Variants in SPG11 observed in about 807,000 individuals in gnomAD.
The protein encoded by SPG11 is SPG11 vesicle trafficking associated, spatacsin.
SPG11 carries 222 observed loss-of-function variants against 274.0 expected under a neutral mutation model. The ratio of observed to expected loss-of-function variants is 0.81; its 90% CI spans 0.73 to 0.91. The LOEUF (loss-of-function observed/expected upper bound fraction) is 0.91, where lower values mean the gene tolerates loss of function less well. SPG11 is among the 40% of genes least tolerant of loss of function. The pLI, the probability that SPG11 is intolerant of heterozygous loss-of-function variation, is 0.00. For synonymous variants in SPG11, 1,144 were observed against 1,039.7 expected (o/e 1.10, Z -1.93); for missense variants, 3,114 against 2,872.7 (o/e 1.08, Z -1.92).
chr15:44,585,981 C>CTTTT, intron 28 of SPG11, 131 bp from the exon 29 acceptor site: 2 of 528,134 alleles, frequency 3.8e-6, no homozygotes, highest in Non-Finnish European at 3.1e-6. Context: ...AAATAAAAAG[C>CTTTT]TGTTTTTTTT....
intron 6 of SPG11, among the ~76,000 whole-genome samples, chr15:44,650,331 C>T (rs2141102605): frequency 6.6e-6 from 1 of 152,158 alleles, no homozygotes. Flanking sequence ...CCAGCCTGGG[C>T]AAGGTAGTGA....
intron 8 of SPG11, 146 bp downstream of exon 8, chr15:44,633,359 A>AAAAAAG (rs1567177921): frequency 1.4e-5 from 5 of 356,518 alleles, no homozygotes; most frequent in Non-Finnish European, 1.9e-5. Context: ...AAAAAAAAAA[A>AAAAAAG]AAAGAAAGTT....
In SPG11 at chr15:44,657,070, T is replaced by G. The variant is rs1448269424; in HGVS notation, c.869+25A>C. On this transcript the variant is annotated intron_variant, in intron 4 of 39. Transcript: ENST00000261866. Reference sequence around the variant, plus strand: ...TATCAGTCTAACTATTTACCTCAAATTAGAAACTGCAGTCATCTACATACC... The same window carrying G: ...TATCAGTCTAACTATTTACCTCAAAGTAGAAACTGCAGTCATCTACATACC... 1.9e-6 allele frequency: 3 copies of G among 1,605,874 alleles called. No homozygotes were observed. The Admixed American group carries it at 5.0e-5, about 27-fold the overall frequency.
At chr15:44,588,652 CA>C in intron 28 of SPG11, 2 of 437,204 alleles carry the variant, frequency 4.6e-6, no homozygotes, top group South Asian at 1.6e-5. Context: ...TAGTTGATAG[CA>C]AAAAAGCAAA....
intron 7 of SPG11, among the ~76,000 whole-genome samples, chr15:44,646,686 T>C (rs2084620476): frequency 6.6e-6 from 1 of 152,176 alleles, no homozygotes; most frequent in African/African-American, 2.4e-5. Flanking sequence ...GCAACACGGA[T>C]GGAGCTAGAG....
rs80338869 is a variant in SPG11 at position 44,564,675 on chromosome 15, G to A, written c.7023C>T (p.Tyr2341=). The A allele has an allele frequency of 0.026, 41,603 of 1,613,970 alleles. 655 individuals are homozygous for A. The highest frequency in any genetic ancestry group is 0.046 in the Middle Eastern group (278 of 6,062). Residue 2341 remains tyrosine, a synonymous_variant, in exon 39 of 40, where the codon TAC becomes TAT. Transcript: ENST00000261866. The part of the protein sequence containing the change: ...FYQASIVAEA[Y]DFVPDWAEIL... The stretch of plus-strand genomic sequence containing the variant: ...TTTCAGCCCAATCTGGAACAAAATC[G>A]TAGGCCTCAGCCACAATAGAAGCCT...
At chr15:44,657,017 A>T in intron 4 of SPG11, 78 bp downstream of exon 4, 2 of 1,310,784 alleles carry the variant, frequency 1.5e-6, no homozygotes, top group Non-Finnish European at 2.1e-6. Flanking sequence ...TTAAAAAAAA[A>T]AAACTAACGA....
Position 44,585,624 on chromosome 15 carries a change from G to C in SPG11, c.5121+12C>G, listed in dbSNP as rs199766848. On this transcript the variant is annotated intron_variant, in intron 29 of 39. Transcript: ENST00000261866. ...ATCTAAAAAAAAAAAAAAAAAAAAA[G>C]ACCGATGATACCTCTTTAATAACCA... 1.1e-4 allele frequency: 117 copies of C among 1,046,490 alleles called. No individual in the cohort carries two copies. Among genetic ancestry groups the C allele is most frequent in the Admixed American group, 4.2e-4 (18 of 43,096 alleles). The allele number at this position is 1,046,490 out of a possible 1,614,324, so 64.8% of individuals were successfully genotyped here. A position where few individuals can be genotyped will look rare whatever the true frequency, so the allele number is the denominator to read the frequency against.
At chr15:44,633,801 T>C (rs540024483) in intron 7 of SPG11, among the ~76,000 whole-genome samples, 164 bp from the exon 8 acceptor site, 1 of 152,164 alleles carries the variant, frequency 6.6e-6, no homozygotes, top group East Asian at 1.9e-4. Flanking sequence ...CAATGACTGA[T>C]TATGCAATCT....
Position 44,570,605 on chromosome 15 carries a change from C to A in SPG11, c.6397G>T (p.Glu2133Ter). ...HHCFTLTCHM[E>*]GIIRVLQAAH... is the part of the protein sequence containing the mutation. ...GCCTGTAGGACTCGGATGATGCCCT[C>A]CATGTGGCACGTCAGGGTGAAGCAA... The change falls in exon 34 of 40, where the codon GAG becomes TAG. Residue 2133 changes from glutamate (E) to a stop codon, truncating the protein, a stop_gained. Coordinates refer to ENST00000261866, the MANE Select transcript of SPG11 (RefSeq NM_025137.4). LOFTEE classifies it high-confidence loss of function. 6.2e-7 allele frequency: 1 copy of A among 1,614,088 alleles called. No homozygotes were observed. Among genetic ancestry groups the A allele is most frequent in the Non-Finnish European group, 8.5e-7 (1 of 1,180,004 alleles).
chr15:44,640,771 G>A lies in SPG11; in HGVS notation c.1603-7134C>T, dbSNP rs116565430. On this transcript the variant is annotated intron_variant, in intron 7 of 39. Coordinates refer to ENST00000261866, the MANE Select transcript of SPG11 (RefSeq NM_025137.4). ...TTTTGAGGCGGAGTCTCATTCTGTCGTCAGGCTGAAGTGCAGTGTCCTGAT... is the reference window on the plus strand; with the variant it reads ...TTTTGAGGCGGAGTCTCATTCTGTCATCAGGCTGAAGTGCAGTGTCCTGAT... 6.4e-3 allele frequency among the ~76,000 whole-genome samples: 971 copies of A among 152,100 alleles called. 10 individuals are homozygous for A. Among genetic ancestry groups the A allele is most frequent in the African/African-American group, 0.021 (890 of 41,496 alleles).
intron 8 of SPG11, among the ~76,000 whole-genome samples, chr15:44,631,313 ATAT>A (rs2084053952): frequency 6.6e-6 from 1 of 152,204 alleles, no homozygotes; most frequent in Non-Finnish European, 1.5e-5. Flanking sequence ...TAGTAAGTAT[ATAT>A]TATTAACAAG....
At chr15:44,629,040 T>A (rs529700475) in intron 9 of SPG11, among the ~76,000 whole-genome samples, 193 bp downstream of exon 9, 2 of 152,236 alleles carry the variant, frequency 1.3e-5, no homozygotes, top group African/African-American at 4.8e-5. Flanking sequence ...TTGTCCTTCA[T>A]GATTAGTCCT....
intron 2 of SPG11, among the ~76,000 whole-genome samples, 156 bp from the exon 3 acceptor site, chr15:44,659,459 A>G (rs1214071013): frequency 6.6e-6 from 1 of 152,234 alleles, no homozygotes; most frequent in East Asian, 1.9e-4. Context: ...CTAAGGAAGT[A>G]GTCACTGGGA....
chr15:44,622,292 T>G lies in SPG11; in HGVS notation c.2372A>C (p.Asp791Ala), dbSNP rs776935533. 2.5e-6 allele frequency: 4 copies of G among 1,584,128 alleles called. No individual in the cohort carries two copies. The East Asian group carries it at 9.0e-5, about 35-fold the overall frequency. The change falls in exon 13 of 40, where the codon GAC becomes GCC. Residue 791 changes from aspartate (D) to alanine (A), a missense_variant. By Grantham distance (126) the Asp-to-Ala change is moderately radical. Transcript: ENST00000261866. The part of the protein sequence containing the change: ...YFSEKEKRTI[D>A]FVHQVEKLYL... The stretch of plus-strand genomic sequence containing the variant: ...AAGCTTCTCAACTTGATGCACGAAG[T>G]CTATAGTTCTTTTCTCTTTTTCAGA...
intron 7 of SPG11, among the ~76,000 whole-genome samples, chr15:44,637,608 G>A (rs2084316200): frequency 6.6e-6 from 1 of 152,110 alleles, no homozygotes; most frequent in South Asian, 2.1e-4. Flanking sequence ...CTGTGCCTGG[G>A]TTGGAAAATA....
At chr15:44,633,731 T>A in intron 7 of SPG11, 94 bp from the exon 8 acceptor site, 1 of 1,359,412 alleles carries the variant, frequency 7.4e-7, no homozygotes, top group Non-Finnish European at 1.0e-6. Context: ...GAATTTAATG[T>A]GGTGAGACTA....
chr15:44,641,310 A>G (rs1277270979), intron 7 of SPG11, among the ~76,000 whole-genome samples: 2 of 152,102 alleles, frequency 1.3e-5, no homozygotes, highest in African/African-American at 2.4e-5. Flanking sequence ...CAGAAACTAT[A>G]TAATTTAAGG....
In SPG11 at chr15:44,621,860, T is replaced by A. The variant is rs747961069; in HGVS notation, c.2519A>T (p.Asp840Val). 1 of 1,613,926 alleles carries A rather than the reference T, an allele frequency of 6.2e-7. No individual in the cohort carries two copies. The highest frequency in any genetic ancestry group is 1.1e-5 in the South Asian group (1 of 91,080). ...LDSFLKYDCK[D>V]EFNKQDHRIV... ...TCTATGGTCCTGTTTGTTAAATTCA[T>A]CTTTACAATCATATTTCAGGAATGA... The change falls in exon 14 of 40, where the codon GAT becomes GTT. Residue 840 changes from aspartate (D) to valine (V), a missense_variant. By Grantham distance (152) the Asp-to-Val change is radical (BLOSUM62 -3). Transcript: ENST00000261866.
Sources: allele counts gnomAD v4.1 joint callset (sites outside exome capture counted in the v4.1 genomes callset), GRCh38; gene constraint gnomAD v4.1.1; transcripts MANE v1.5; gene names NCBI Gene and HGNC (gene_info 2026-07-23, HGNC 2026-07-21).